FGF12: variants seen among roughly 807,000 people sequenced by gnomAD.
FGF12 encodes the protein fibroblast growth factor 12B.
In FGF12, 14 loss-of-function variants were observed where a neutral mutation model predicts 23.6. That is an observed-to-expected ratio of 0.59 (90% confidence interval 0.39 to 0.93). The LOEUF is 0.93. Ranked by LOEUF, FGF12 falls within the 40% of genes least tolerant of loss-of-function variation. The pLI is 0.00. For synonymous variants in FGF12, 62 were observed against 77.3 expected (o/e 0.80, Z 1.04); for missense variants, 175 against 217.8 (o/e 0.80, Z 1.24).
chr3:192,220,673 AC>A (rs1183726951), intron 4 of FGF12, among the ~76,000 whole-genome samples: 2 of 152,202 alleles, frequency 1.3e-5, no homozygotes, highest in Non-Finnish European at 2.9e-5. Context: ...TAGTTGGTTA[AC>A]CAAAAAAATA....
intron 2 of FGF12, among the ~76,000 whole-genome samples, chr3:192,650,734 A>G (rs554921995): frequency 1.3e-5 from 2 of 152,336 alleles, no homozygotes; most frequent in Admixed American, 1.3e-4. Flanking sequence ...GACCTAAGGA[A>G]TGAAACAGCA....
At chr3:192,545,608 G>A (rs972188304) in intron 2 of FGF12, among the ~76,000 whole-genome samples, 1 of 152,196 alleles carries the variant, frequency 6.6e-6, no homozygotes, top group Non-Finnish European at 1.5e-5. Context: ...GAATGAAACT[G>A]TAGGTGCTAG....
At chr3:192,163,818 A>AGTGTGTGTGT (rs1306799739) in intron 5 of FGF12, among the ~76,000 whole-genome samples, 1 of 91,784 alleles carries the variant, frequency 1.1e-5, no homozygotes. Flanking sequence ...TATATGGCCA[A>AGTGTGTGTGT]GTGTGTGTGA....
At chr3:192,517,240 G>C (rs1724695210) in intron 2 of FGF12, among the ~76,000 whole-genome samples, 1 of 152,222 alleles carries the variant, frequency 6.6e-6, no homozygotes, top group African/African-American at 2.4e-5. Context: ...GTTGTGGCAA[G>C]AGTTCAATTA....
intron 2 of FGF12, among the ~76,000 whole-genome samples, chr3:192,403,035 A>G (rs1720826689): frequency 6.6e-6 from 1 of 152,202 alleles, no homozygotes; most frequent in Admixed American, 6.5e-5. Context: ...AAAAGCAAAT[A>G]TACATGATGA....
chr3:192,407,542 G>A (rs1267795991), intron 2 of FGF12, among the ~76,000 whole-genome samples: 1 of 152,140 alleles, frequency 6.6e-6, no homozygotes, highest in Non-Finnish European at 1.5e-5. Context: ...AAGTTCATCT[G>A]GTGTCTACTA....
intron 4 of FGF12, among the ~76,000 whole-genome samples, chr3:192,239,337 A>G (rs1383646164): frequency 2.6e-5 from 4 of 152,216 alleles, no homozygotes; most frequent in Admixed American, 1.3e-4. Context: ...TTGTTTTTCC[A>G]TTAAAGAAGT....
intron 5 of FGF12, among the ~76,000 whole-genome samples, chr3:192,161,540 C>T (rs1714883978): frequency 6.9e-6 from 1 of 145,604 alleles, no homozygotes; most frequent in Admixed American, 7.0e-5. Context: ...ACACACATCA[C>T]ATCACATTTG....
intron 5 of FGF12, among the ~76,000 whole-genome samples, chr3:192,158,499 T>G (rs910592882): frequency 6.6e-5 from 10 of 150,720 alleles, no homozygotes; most frequent in Non-Finnish European, 1.5e-4. Context: ...CCTTCCTCTC[T>G]CTTTCCTTTT....
At chr3:192,538,330 G>A (rs760674404) in intron 2 of FGF12, among the ~76,000 whole-genome samples, 1 of 152,084 alleles carries the variant, frequency 6.6e-6, no homozygotes, top group Non-Finnish European at 1.5e-5. Context: ...CCATTCCGCT[G>A]CGTACAGATA....
chr3:192,325,076 G>A (rs978590355), intron 4 of FGF12, among the ~76,000 whole-genome samples: 2 of 152,054 alleles, frequency 1.3e-5, no homozygotes, highest in Admixed American at 1.3e-4. Context: ...CTAATAATCT[G>A]TTGTTTCTGA....
chr3:192,288,450 T>A (rs1394103717), intron 4 of FGF12, among the ~76,000 whole-genome samples: 1 of 152,112 alleles, frequency 6.6e-6, no homozygotes, highest in Non-Finnish European at 1.5e-5. Context: ...TACCTGTGAT[T>A]AATTTTTTTA....
At chr3:192,444,307 C>T (rs756225031) in intron 2 of FGF12, among the ~76,000 whole-genome samples, 12 of 152,132 alleles carry the variant, frequency 7.9e-5, no homozygotes, top group African/African-American at 1.9e-4. Flanking sequence ...ATTCATCATC[C>T]GCCACAATTT....
At chr3:192,546,283 C>T (rs913753308) in intron 2 of FGF12, among the ~76,000 whole-genome samples, 2 of 152,072 alleles carry the variant, frequency 1.3e-5, no homozygotes, top group Non-Finnish European at 2.9e-5. Context: ...GACTACCGCA[C>T]TACAGGGCTT....
chr3:192,419,793 T>C (rs3108300), intron 2 of FGF12, among the ~76,000 whole-genome samples: 60,759 of 151,904 alleles, frequency 0.4, 12,523 homozygotes, highest in East Asian at 0.6. Flanking sequence ...TTCAAGGAGA[T>C]AGTCACGGAA....
intron 2 of FGF12, among the ~76,000 whole-genome samples, chr3:192,562,861 A>G (rs74556936): frequency 1.6e-4 from 25 of 152,142 alleles, no homozygotes; most frequent in Non-Finnish European, 2.9e-4. Context: ...GCAAACAATT[A>G]TCTCTCTTAT....
intron 2 of FGF12, among the ~76,000 whole-genome samples, chr3:192,710,784 T>C (rs140435643): frequency 5.0e-4 from 76 of 152,268 alleles, no homozygotes; most frequent in African/African-American, 1.7e-3. Context: ...GAGCAGAAAC[T>C]CTCTGCATAG....
chr3:192,311,250 TA>T (rs922282956), intron 4 of FGF12, among the ~76,000 whole-genome samples: 1 of 152,164 alleles, frequency 6.6e-6, no homozygotes, highest in African/African-American at 2.4e-5. Context: ...AATTTTAGAA[TA>T]TTTTTCTTCA....
At chr3:192,501,194 T>C (rs536054826) in intron 2 of FGF12, among the ~76,000 whole-genome samples, 13 of 152,314 alleles carry the variant, frequency 8.5e-5, no homozygotes, top group African/African-American at 3.1e-4. Context: ...AAAATCATTA[T>C]AGTTGTTACA....
Sources: gnomAD v4.1 joint callset for allele counts (sites outside exome capture counted in the v4.1 genomes callset) on GRCh38, gnomAD v4.1.1 for gene constraint, MANE v1.5 for transcripts, NCBI Gene and HGNC (gene_info 2026-07-23, HGNC 2026-07-21) for gene names.